SCMH1: variants seen among roughly 807,000 people sequenced by gnomAD.
SCMH1 encodes the protein Scm polycomb group protein homolog 1, also known as polycomb protein SCMH1.
SCMH1 carries 37 observed loss-of-function variants against 70.8 expected under a neutral mutation model. The observed-to-expected ratio is 0.52, with a 90% confidence interval of 0.40 to 0.69. The LOEUF (loss-of-function observed/expected upper bound fraction) is 0.69. Ranked by LOEUF, SCMH1 falls within the 30% of genes least tolerant of loss-of-function variation. SCMH1 has a pLI of 0.00. For missense variants in SCMH1, 607 were observed against 827.3 expected (o/e 0.73, Z 3.27); for synonymous variants, 292 against 307.4 (o/e 0.95, Z 0.52).
chr1:41,174,856 T>A lies in SCMH1; in HGVS notation c.13+11265A>T, dbSNP rs554098681. ...ATCATAATATTTAAGTTACAGGCTA[T>A]CAGGAGAAGAGTAAACATCACTGAA... On this transcript the variant is annotated intron_variant, in intron 2 of 14. Transcript: ENST00000337495. Among the ~76,000 whole-genome samples the A allele has an allele frequency of 4.6e-5, 7 of 152,348 alleles. No individual in the cohort carries two copies. In the East Asian group the frequency reaches 1.2e-3, roughly 25 times the overall value.
chr1:41,060,629 A>T (rs1235428578), intron 10 of SCMH1, among the ~76,000 whole-genome samples: 12 of 152,022 alleles, frequency 7.9e-5, no homozygotes, highest in African/African-American at 2.4e-4. Context: ...GACAAAATTA[A>T]TTATGACCTT....
chr1:41,028,094 C>G, exon 15 of SCMH1: 1 of 1,484,834 alleles, frequency 6.7e-7, no homozygotes, highest in Non-Finnish European at 9.2e-7. Context: ...TGAGGTGGCC[C>G]GGAACCCCAC....
chr1:41,188,096 C>A (rs569543625), intron 1 of SCMH1, among the ~76,000 whole-genome samples: 1 of 152,242 alleles, frequency 6.6e-6, no homozygotes, highest in East Asian at 1.9e-4. Flanking sequence ...CACTAAGGGG[C>A]TGGAATAAGA....
At chr1:41,159,111 A>G (rs914628535) in intron 4 of SCMH1, among the ~76,000 whole-genome samples, 2 of 152,156 alleles carry the variant, frequency 1.3e-5, no homozygotes, top group African/African-American at 4.8e-5. Context: ...GTCTTTTCCA[A>G]CTTTGAGATT....
intron 6 of SCMH1, among the ~76,000 whole-genome samples, chr1:41,129,062 C>T (rs1019768562): frequency 6.6e-6 from 1 of 152,070 alleles, no homozygotes; most frequent in Non-Finnish European, 1.5e-5. Context: ...CCTCTATCTT[C>T]TTGAACATAT....
At chr1:41,034,572 C>T (rs559433359) in intron 13 of SCMH1, among the ~76,000 whole-genome samples, 1 of 152,224 alleles carries the variant, frequency 6.6e-6, no homozygotes, top group South Asian at 2.1e-4. Flanking sequence ...CGTGATCCAC[C>T]CTCCTCGGCC....
At chr1:41,208,098 A>T (rs1366975739) in intron 1 of SCMH1, among the ~76,000 whole-genome samples, 4 of 113,920 alleles carry the variant, frequency 3.5e-5, no homozygotes, top group Non-Finnish European at 5.4e-5. Flanking sequence ...ATGCAGCCAT[A>T]AAAAATGATG....
At chr1:41,035,587 C>T (rs900732526) in intron 13 of SCMH1, among the ~76,000 whole-genome samples, 2 of 152,196 alleles carry the variant, frequency 1.3e-5, no homozygotes, top group African/African-American at 4.8e-5. Flanking sequence ...TCCCTCCTCT[C>T]TCAGAGAAAG....
At chr1:41,062,644 AAGG>A (rs1653088773) in intron 10 of SCMH1, among the ~76,000 whole-genome samples, 1 of 151,684 alleles carries the variant, frequency 6.6e-6, no homozygotes, top group Non-Finnish European at 1.5e-5. Context: ...GAGGCTGAGG[AAGG>A]AGAATTGCTT....
chr1:41,230,568 G>C (rs954126285), intron 1 of SCMH1, among the ~76,000 whole-genome samples: 1 of 151,854 alleles, frequency 6.6e-6, no homozygotes, highest in Non-Finnish European at 1.5e-5. Context: ...TGAGGGAAGA[G>C]GATCCCCTGA....
At chr1:41,070,676 T>C (rs1304104789) in exon 10 of SCMH1, 1 of 1,614,018 alleles carries the variant, frequency 6.2e-7, no homozygotes, top group South Asian at 1.1e-5. Context: ...GGAGTGCTGG[T>C]TGTTGGTGAG....
intron 6 of SCMH1, among the ~76,000 whole-genome samples, chr1:41,129,730 T>C (rs1211395884): frequency 6.6e-6 from 1 of 152,200 alleles, no homozygotes; most frequent in Non-Finnish European, 1.5e-5. Flanking sequence ...AAGTCCCTGC[T>C]TTCAGTCCTT....
intron 10 of SCMH1, among the ~76,000 whole-genome samples, chr1:41,062,406 C>A (rs1652995120): frequency 6.6e-6 from 1 of 151,164 alleles, no homozygotes; most frequent in Non-Finnish European, 1.5e-5. Context: ...GAGTTCGAAT[C>A]CAGCCTGACC....
chr1:41,095,190 G>T (rs1664750951), intron 8 of SCMH1, among the ~76,000 whole-genome samples: 1 of 152,176 alleles, frequency 6.6e-6, no homozygotes, highest in South Asian at 2.1e-4. Flanking sequence ...CTCAATAAAT[G>T]TTAGTTGAGT....
intron 8 of SCMH1, among the ~76,000 whole-genome samples, chr1:41,091,288 A>C (rs1663414976): frequency 6.6e-6 from 1 of 152,206 alleles, no homozygotes; most frequent in Non-Finnish European, 1.5e-5. Flanking sequence ...TAAAAACCAC[A>C]TGATTATCTC....
intron 10 of SCMH1, among the ~76,000 whole-genome samples, chr1:41,053,788 A>G (rs569755946): frequency 6.6e-6 from 1 of 152,326 alleles, no homozygotes; most frequent in African/African-American, 2.4e-5. Flanking sequence ...GTGTCAGTGA[A>G]AACTGAAGGA....
At chr1:41,233,031 C>T (rs967280039) in intron 1 of SCMH1, among the ~76,000 whole-genome samples, 3 of 152,142 alleles carry the variant, frequency 2.0e-5, no homozygotes, top group Admixed American at 6.5e-5. Context: ...AAACAAGTCC[C>T]TTCTTTAGGC....
intron 10 of SCMH1, among the ~76,000 whole-genome samples, chr1:41,066,054 C>G (rs1210889217): frequency 6.6e-6 from 1 of 152,124 alleles, no homozygotes; most frequent in East Asian, 1.9e-4. Context: ...CAATTTTTGC[C>G]CTAGTCCAAG....
At position 41,113,259 on chromosome 1, in the gene SCMH1, A is replaced by G. The variant is rs1373912397; in HGVS notation, c.745+24T>C. 1 of 1,606,774 alleles carries G rather than the reference A, an allele frequency of 6.2e-7. No homozygotes were observed. Among genetic ancestry groups the G allele is most frequent in the East Asian group, 2.2e-5 (1 of 44,842 alleles). Reference sequence around the variant, plus strand: ...CCCTTATCATCTGGGTCCTGATTTCAAGAGCACGTAGATGGGCCTTTACCT... The same window carrying G: ...CCCTTATCATCTGGGTCCTGATTTCGAGAGCACGTAGATGGGCCTTTACCT... On this transcript the variant is annotated intron_variant, in intron 8 of 14. Coordinates refer to ENST00000337495, the Ensembl canonical transcript of SCMH1. The surrounding 1 kb of genome is among the most constrained non-coding windows in gnomAD (Gnocchi z 4.3).
Sources: allele counts gnomAD v4.1 joint callset (sites outside exome capture counted in the v4.1 genomes callset), GRCh38; gene constraint gnomAD v4.1.1; non-coding constraint Gnocchi (gnomAD v3.1); transcripts MANE v1.5; gene names NCBI Gene and HGNC (gene_info 2026-07-23, HGNC 2026-07-21).